The following FGD6 variants were observed in gnomAD, a reference collection of about 807,000 sequenced individuals.
FGD6 encodes FYVE, RhoGEF and PH domain containing 6.
FGD6 carries 90 observed loss-of-function variants against 149.4 expected under a neutral mutation model. The observed-to-expected ratio is 0.60, with a 90% CI of 0.51 to 0.72. FGD6 has a LOEUF of 0.72. Among genes scored for constraint, FGD6 ranks in the 30% least tolerant of loss-of-function variants. The pLI is 0.00. For missense variants in FGD6, 1,437 were observed against 1,684.8 expected (o/e 0.85, Z 2.57); for synonymous variants, 527 against 584.0 (o/e 0.90, Z 1.41).
chr12:95,108,616 T>C (rs1043618458), intron 9 of FGD6, 55 bp from the exon 10 acceptor site: 5 of 1,597,006 alleles, frequency 3.1e-6, no homozygotes, highest in Non-Finnish European at 4.3e-6. Context: ...AAACAAATAG[T>C]TTGCAACATT....
At chr12:95,189,509 G>A (rs1218912313) in intron 2 of FGD6, 2 of 152,156 alleles carry the variant, frequency 1.3e-5, no homozygotes, top group Non-Finnish European at 1.5e-5. Flanking sequence ...TTAGCTGGGT[G>A]TGGTGCCGTG....
Position 95,081,329 on chromosome 12 carries a change from T to C in FGD6, c.*191A>G. On this transcript the variant is annotated 3_prime_UTR_variant, in exon 21 of 21. Coordinates refer to ENST00000343958, the MANE Select transcript of FGD6 (RefSeq NM_018351.4). ...CATTAAGTAAACATCAAAATTTTAA[T>C]AAATAACATAAATGAAAAAACAAAC... is the stretch of plus-strand genomic sequence containing the variant. 2.4e-6 allele frequency: 1 copy of C among 419,392 alleles called. No individual in the cohort carries two copies. The highest frequency in any genetic ancestry group is 4.3e-6 in the Non-Finnish European group (1 of 234,414). The allele number at this position is 419,392 out of a possible 1,614,324, so 26.0% of individuals were successfully genotyped here. A position where few individuals can be genotyped will look rare whatever the true frequency, so the allele number is the denominator to read the frequency against.
chr12:95,155,938 T>G (rs964912730), intron 3 of FGD6, among the ~76,000 whole-genome samples: 4 of 152,228 alleles, frequency 2.6e-5, no homozygotes, highest in Non-Finnish European at 5.9e-5. Context: ...CTGCAATCTC[T>G]GAACATAAAT....
chr12:95,105,144 G>A (rs746442944), intron 13 of FGD6, 58 bp from the exon 14 acceptor site: 529 of 1,484,002 alleles, frequency 3.6e-4, no homozygotes, highest in Non-Finnish European at 4.6e-4. Flanking sequence ...ATATCAATGA[G>A]CTGAAGTTGT....
chr12:95,160,471 T>C (rs558875541), intron 3 of FGD6, among the ~76,000 whole-genome samples: 10 of 152,080 alleles, frequency 6.6e-5, no homozygotes, highest in Admixed American at 2.0e-4. Flanking sequence ...AAATGAAAAA[T>C]AGCTCAGAGC....
intron 14 of FGD6, among the ~76,000 whole-genome samples, chr12:95,096,710 G>A (rs1275002581): frequency 6.6e-6 from 1 of 152,152 alleles, no homozygotes; most frequent in Non-Finnish European, 1.5e-5. Flanking sequence ...TAAGGAAACT[G>A]AGAATTAGTA....
intron 6 of FGD6, among the ~76,000 whole-genome samples, chr12:95,138,276 G>A (rs1879738933): frequency 6.6e-6 from 1 of 150,998 alleles, no homozygotes; most frequent in Admixed American, 6.6e-5. Context: ...GGGCACGATG[G>A]CTCACGCCTG....
intron 1 of FGD6, among the ~76,000 whole-genome samples, chr12:95,215,534 A>C (rs772706983): frequency 1.1e-4 from 17 of 152,252 alleles, no homozygotes; most frequent in Non-Finnish European, 2.4e-4. Context: ...TAAATCCAAC[A>C]GATGGGTGAG....
At chr12:95,090,478 G>A (rs2136233086) in intron 17 of FGD6, among the ~76,000 whole-genome samples, 1 of 152,246 alleles carries the variant, frequency 6.6e-6, no homozygotes, top group Non-Finnish European at 1.5e-5. Context: ...AGATAACGAA[G>A]GCCTTATTAG....
At chr12:95,174,214 G>T (rs991587079) in intron 2 of FGD6, among the ~76,000 whole-genome samples, 12 of 152,160 alleles carry the variant, frequency 7.9e-5, no homozygotes, top group Non-Finnish European at 4.4e-5. Flanking sequence ...GTCTCTGGGT[G>T]CAGGGATAAG....
chr12:95,201,367 C>T (rs1173367702), intron 2 of FGD6, among the ~76,000 whole-genome samples: 1 of 152,150 alleles, frequency 6.6e-6, no homozygotes, highest in Non-Finnish European at 1.5e-5. Context: ...GTCACAAAAG[C>T]CATTTATTTA....
At chr12:95,100,087 A>T (rs1878374809) in intron 14 of FGD6, among the ~76,000 whole-genome samples, 1 of 122,308 alleles carries the variant, frequency 8.2e-6, no homozygotes, top group African/African-American at 3.0e-5. Context: ...TAAGTTCTTG[A>T]CCTCATCACT....
intron 9 of FGD6, among the ~76,000 whole-genome samples, chr12:95,112,308 A>G (rs1171783466): frequency 6.6e-6 from 1 of 151,596 alleles, no homozygotes; most frequent in African/African-American, 2.4e-5. Context: ...CTGCAGTTAG[A>G]CCCAGGCGTT....
At chr12:95,107,084 T>C (rs747567231) in intron 12 of FGD6, 47 bp from the exon 13 acceptor site, 1 of 1,366,426 alleles carries the variant, frequency 7.3e-7, no homozygotes, top group Non-Finnish European at 1.0e-6. Flanking sequence ...AACACATTAC[T>C]GCCACAAAGA....
chr12:95,137,683 G>T lies in FGD6; in HGVS notation c.2838-5C>A. The T allele has an allele frequency of 6.4e-7, 1 of 1,558,792 alleles. No individual in the cohort carries two copies. The highest frequency in any genetic ancestry group is 8.7e-7 in the Non-Finnish European group (1 of 1,153,890). On this transcript the variant is annotated splice_region_variant and splice_polypyrimidine_tract_variant and intron_variant, in intron 6 of 20. Coordinates refer to ENST00000343958, the MANE Select transcript of FGD6 (RefSeq NM_018351.4). The stretch of plus-strand genomic sequence containing the variant: ...GCAATTCTTTGTTGTTCAGTCCTAT[G>T]GATAGAGAAGAGATACACAAAAAAA...
chr12:95,122,913 C>T (rs1879233659), intron 8 of FGD6, among the ~76,000 whole-genome samples: 1 of 151,850 alleles, frequency 6.6e-6, no homozygotes, highest in Non-Finnish European at 1.5e-5. Flanking sequence ...GAAACCTCGT[C>T]CCTAATAAAA....
In FGD6 at chr12:95,186,225, CTTCT is replaced by C. The variant is rs1565918760; in HGVS notation, c.2442-13485_2442-13482del. Among the ~76,000 whole-genome samples the C allele has an allele frequency of 1.5e-3, 109 of 71,184 alleles. 32 individuals carry two copies. Among genetic ancestry groups the C allele is most frequent in the Admixed American group, 1.8e-3 (10 of 5,578 alleles). The allele number at this position is 71,184 out of a possible 152,430, so 46.7% of individuals were successfully genotyped here. A position where few individuals can be genotyped will look rare whatever the true frequency, so the allele number is the denominator to read the frequency against. Reference sequence around the variant, plus strand: ...AGCTAAGAATGCTTCTTATATTCTTCTTCTTTTTTTTTTTTTTTTTTTTTTTTTT... The same window carrying C: ...AGCTAAGAATGCTTCTTATATTCTTCTTTTTTTTTTTTTTTTTTTTTTTTT... On this transcript the variant is annotated intron_variant, in intron 2 of 20. Transcript: ENST00000343958.
intron 3 of FGD6, among the ~76,000 whole-genome samples, chr12:95,159,921 C>G (rs147289968): frequency 6.6e-6 from 1 of 152,088 alleles, no homozygotes; most frequent in African/African-American, 2.4e-5. Flanking sequence ...GTAGGAGGAT[C>G]ACTTGAGCCC....
intron 3 of FGD6, among the ~76,000 whole-genome samples, chr12:95,166,619 C>T (rs571019998): frequency 3.9e-5 from 6 of 151,988 alleles, no homozygotes; most frequent in African/African-American, 1.4e-4. Context: ...CGAGAGATCA[C>T]TTGAGTCAAG....
Sources: gnomAD v4.1 joint callset for allele counts (sites outside exome capture counted in the v4.1 genomes callset) on GRCh38, gnomAD v4.1.1 for gene constraint, MANE v1.5 for transcripts, NCBI Gene and HGNC (gene_info 2026-07-23, HGNC 2026-07-21) for gene names.